The following PCDHA1 variants were observed in gnomAD, a reference collection of about 807,000 sequenced individuals.
The protein encoded by PCDHA1 is protocadherin alpha-1.
A neutral mutation model predicts 61.3 loss-of-function variants in PCDHA1; 42 were observed. The ratio of observed to expected loss-of-function variants is 0.69; its 90% CI spans 0.54 to 0.89. The LOEUF (loss-of-function observed/expected upper bound fraction) is 0.89, where lower values mean the gene tolerates loss of function less well. Among genes scored for constraint, PCDHA1 ranks in the 40% least tolerant of loss-of-function variants. The probability of loss-of-function intolerance (pLI) is 0.00; values close to 1 mark genes in which losing one functional copy is unlikely to be tolerated. For synonymous variants in PCDHA1, 610 were observed against 553.8 expected (o/e 1.10, Z -1.43); for missense variants, 1,256 against 1,235.3 (o/e 1.02, Z -0.25).
Position 140,849,870 on chromosome 5 carries a change from G to A in PCDHA1, c.2394+61186G>A, listed in dbSNP as rs2150455328. 1.3e-5 allele frequency: 21 copies of A among 1,598,494 alleles called. 3 individuals are homozygous for A. The highest frequency in any genetic ancestry group is 5.1e-5 in the Admixed American group (3 of 59,300). The stretch of plus-strand genomic sequence containing the variant: ...CAACGCACCAGCGTTCGCGCAGTCC[G>A]AGTACACGGTGTTCGTGAAGGAGAA... On this transcript the variant is annotated intron_variant, in intron 1 of 3. Transcript: ENST00000504120.
chr5:140,855,640 A>G (rs555429613), intron 1 of PCDHA1, among the ~76,000 whole-genome samples: 1 of 150,004 alleles, frequency 6.7e-6, no homozygotes, highest in East Asian at 1.9e-4. Context: ...GCTATTGATA[A>G]TCATGTGGTT....
intron 1 of PCDHA1, among the ~76,000 whole-genome samples, chr5:140,902,203 C>CTT (rs148688132): frequency 1.7e-4 from 21 of 124,438 alleles, no homozygotes; most frequent in East Asian, 4.4e-4. Context: ...CTCTCTCTTT[C>CTT]TTTTTTTTTT....
At chr5:140,868,806 G>T (rs374832846) in intron 1 of PCDHA1, 1 of 357,072 alleles carries the variant, frequency 2.8e-6, no homozygotes, top group South Asian at 6.9e-5. Flanking sequence ...AAATAAGCAC[G>T]TTGGAAATAT....
intron 1 of PCDHA1, chr5:140,828,776 C>A (rs200187130): frequency 1.9e-6 from 3 of 1,614,060 alleles, no homozygotes; most frequent in Non-Finnish European, 2.5e-6. Flanking sequence ...TGTTCAGCTG[C>A]TGGTCACAGT....
chr5:140,807,484 C>G lies in PCDHA1; in HGVS notation c.2394+18800C>G, dbSNP rs782221460. The G allele has an allele frequency of 6.8e-6, 11 of 1,613,252 alleles. No individual in the cohort carries two copies. Among genetic ancestry groups the G allele is most frequent in the South Asian group, 2.2e-5 (2 of 91,034 alleles). On this transcript the variant is annotated intron_variant, in intron 1 of 3. Coordinates refer to ENST00000504120, the MANE Select transcript of PCDHA1 (RefSeq NM_018900.4). The stretch of plus-strand genomic sequence containing the variant: ...ACCGGGAGGAGCTGTGCCGGCGGAG[C>G]GCGGAGTGCAGCATCCACCTGGAGG...
chr5:140,857,359 G>T lies in PCDHA1; in HGVS notation c.2394+68675G>T, dbSNP rs200721411. ...GGGGCTCGCCTCCGCTGTGGGCCAC[G>T]GCCAGCGTGTCTGTGGAGGTGGCCG... On this transcript the variant is annotated intron_variant, in intron 1 of 3. Coordinates refer to ENST00000504120, the MANE Select transcript of PCDHA1 (RefSeq NM_018900.4). 3 of 1,598,398 alleles carry T rather than the reference G, an allele frequency of 1.9e-6. No individual in the cohort carries two copies. The South Asian group carries it at 3.3e-5, about 18-fold the overall frequency.
chr5:140,877,306 C>G (rs1554169576), intron 1 of PCDHA1: 1 of 1,613,826 alleles, frequency 6.2e-7, no homozygotes, highest in African/African-American at 1.3e-5. Context: ...CTACGAGTTG[C>G]AACCGGCGGC....
chr5:140,937,069 G>A (rs1385358225), intron 1 of PCDHA1, among the ~76,000 whole-genome samples: 3 of 138,378 alleles, frequency 2.2e-5, no homozygotes, highest in South Asian at 2.2e-4. Context: ...ACGGAGTCTC[G>A]CTCTGTCGCC....
intron 1 of PCDHA1, chr5:140,808,752 C>T (rs1554124761): frequency 6.2e-7 from 1 of 1,612,236 alleles, no homozygotes; most frequent in Admixed American, 1.7e-5. Flanking sequence ...GCGCTGCAGC[C>T]GCTGGACCAC....
chr5:140,818,971 T>G (rs1554127584), intron 1 of PCDHA1, among the ~76,000 whole-genome samples: 1 of 152,246 alleles, frequency 6.6e-6, no homozygotes, highest in East Asian at 1.9e-4. Flanking sequence ...AGGGATATGT[T>G]AGAACTATTC....
Position 140,787,904 on chromosome 5 carries a change from G to A in PCDHA1, c.1614G>A (p.Arg538=). ...LELLQFQVSA[R]DAGVPPLGSN... ...TGCTGCAGTTCCAGGTGAGCGCGCG[G>A]GATGCGGGCGTGCCGCCTCTGGGCA... Residue 538 remains arginine, a synonymous_variant, in exon 1 of 4, where the codon CGG becomes CGA. Transcript: ENST00000504120. 6.2e-7 allele frequency: 1 copy of A among 1,613,640 alleles called. No homozygotes were observed. The highest frequency in any genetic ancestry group is 8.5e-7 in the Non-Finnish European group (1 of 1,179,892).
chr5:141,005,535 C>T (rs1254351919), intron 3 of PCDHA1, among the ~76,000 whole-genome samples: 2 of 151,078 alleles, frequency 1.3e-5, no homozygotes, highest in Non-Finnish European at 2.9e-5. Flanking sequence ...AACCCCGTCT[C>T]TACTAAAAAT....
rs114351206 is a variant in PCDHA1 at position 140,991,799 on chromosome 5, G to A, written c.2542+9236G>A. Among the ~76,000 whole-genome samples the A allele has an allele frequency of 3.8e-3, 580 of 152,160 alleles. 3 individuals are homozygous for A. The highest frequency in any genetic ancestry group is 0.013 in the African/African-American group (548 of 41,490). On this transcript the variant is annotated intron_variant, in intron 3 of 3. Coordinates refer to ENST00000504120, the MANE Select transcript of PCDHA1 (RefSeq NM_018900.4). ...ACTCTGCCCATTTCCCAATCTCAAG[G>A]CCACTTCCGCATTTTTAGGCATTTA... is the stretch of plus-strand genomic sequence containing the variant.
intron 1 of PCDHA1, among the ~76,000 whole-genome samples, chr5:140,905,308 T>C (rs1194215404): frequency 1.3e-5 from 2 of 152,120 alleles, no homozygotes; most frequent in African/African-American, 4.8e-5. Flanking sequence ...TTTCCACACT[T>C]TGTGTTTGTA....
intron 1 of PCDHA1, among the ~76,000 whole-genome samples, chr5:140,896,879 G>A (rs1323456222): frequency 6.6e-6 from 1 of 151,976 alleles, no homozygotes; most frequent in Non-Finnish European, 1.5e-5. Context: ...TATTTATGGG[G>A]TATATGAGAC....
chr5:140,868,747 T>C, intron 1 of PCDHA1: 1 of 213,646 alleles, frequency 4.7e-6, no homozygotes, highest in South Asian at 1.1e-4. Context: ...TACAATGCCA[T>C]TTCCATATAT....
At chr5:140,921,621 A>G (rs1274986378) in intron 1 of PCDHA1, among the ~76,000 whole-genome samples, 1 of 152,222 alleles carries the variant, frequency 6.6e-6, no homozygotes, top group African/African-American at 2.4e-5. Context: ...ATATCATCAG[A>G]TCATCATTAT....
At chr5:140,930,208 A>G (rs939593947) in intron 1 of PCDHA1, 39 of 152,338 alleles carry the variant, frequency 2.6e-4, no homozygotes, top group African/African-American at 8.2e-4. Flanking sequence ...AGAAATATTT[A>G]TGTGTTCAAA....
intron 1 of PCDHA1, chr5:140,850,488 G>T: frequency 6.3e-7 from 1 of 1,598,176 alleles, no homozygotes. Context: ...CACGGCCACT[G>T]TGCTGGTGTC....
Sources: gnomAD v4.1 joint callset for allele counts (sites outside exome capture counted in the v4.1 genomes callset) on GRCh38, gnomAD v4.1.1 for gene constraint, MANE v1.5 for transcripts, NCBI Gene and HGNC (gene_info 2026-07-23, HGNC 2026-07-21) for gene names.